Variants in CADPS observed in about 807,000 individuals in gnomAD.
The protein encoded by CADPS is calcium-dependent secretion activator 1.
A neutral mutation model predicts 167.3 loss-of-function variants in CADPS; 57 were observed. The ratio of observed to expected loss-of-function variants is 0.34; its 90% CI spans 0.28 to 0.42. The LOEUF (loss-of-function observed/expected upper bound fraction) is 0.42, where lower values mean the gene tolerates loss of function less well. CADPS is among the 20% of genes least tolerant of loss of function. CADPS has a pLI of 1.00. For synonymous variants in CADPS, 676 were observed against 635.3 expected (o/e 1.06, Z -0.96); for missense variants, 1,414 against 1,738.1 (o/e 0.81, Z 3.32).
At chr3:62,619,297 A>G (rs2149443328) in intron 6 of CADPS, among the ~76,000 whole-genome samples, 1 of 152,300 alleles carries the variant, frequency 6.6e-6, no homozygotes, top group Admixed American at 6.5e-5. Flanking sequence ...GGTGAGGGTA[A>G]ATAAAAGGTA....
At chr3:62,765,259 C>G (rs1444786809) in intron 2 of CADPS, among the ~76,000 whole-genome samples, 1 of 152,154 alleles carries the variant, frequency 6.6e-6, no homozygotes, top group Admixed American at 6.5e-5. Flanking sequence ...ATCCACTTTA[C>G]TGATAAGCTT....
At chr3:62,844,361 AC>A (rs2077074034) in intron 1 of CADPS, among the ~76,000 whole-genome samples, 1 of 152,184 alleles carries the variant, frequency 6.6e-6, no homozygotes, top group African/African-American at 2.4e-5. Context: ...GGAATAAACA[AC>A]CAAAGGAAAA....
Position 62,399,263 on chromosome 3 carries a change from C to T in CADPS, c.*143G>A. 1 of 693,534 alleles carries T rather than the reference C, an allele frequency of 1.4e-6. No homozygotes were observed. The highest frequency in any genetic ancestry group is 2.4e-6 in the Non-Finnish European group (1 of 412,520). The allele number at this position is 693,534 out of a possible 1,614,324, so 43.0% of individuals were successfully genotyped here. ...GAAGGTCATTTGCTAATCTTGGTAC[C>T]ACATAGCTAAAATGGCAGTTGTATT... On this transcript the variant is annotated 3_prime_UTR_variant, in exon 30 of 30. Coordinates refer to ENST00000383710, the MANE Select transcript of CADPS (RefSeq NM_003716.4). The surrounding 1 kb of genome is among the most constrained non-coding windows in gnomAD (Gnocchi z 5.6).
At chr3:62,727,656 A>C (rs2076991162) in intron 3 of CADPS, among the ~76,000 whole-genome samples, 1 of 151,872 alleles carries the variant, frequency 6.6e-6, no homozygotes, top group Non-Finnish European at 1.5e-5. Flanking sequence ...AAACAATAAT[A>C]CTAATACAAC....
intron 3 of CADPS, among the ~76,000 whole-genome samples, chr3:62,745,627 A>C (rs1002137190): frequency 6.6e-6 from 1 of 152,224 alleles, no homozygotes; most frequent in African/African-American, 2.4e-5. Flanking sequence ...CATCCACATT[A>C]TAAAACAGGA....
At chr3:62,579,153 T>C (rs1285983034) in intron 8 of CADPS, among the ~76,000 whole-genome samples, 2 of 152,206 alleles carry the variant, frequency 1.3e-5, no homozygotes, top group Non-Finnish European at 2.9e-5. Context: ...ATGAATTAAA[T>C]GTGGAGTCAT....
At chr3:62,425,582 A>G (rs1254419789) in intron 28 of CADPS, among the ~76,000 whole-genome samples, 1 of 152,214 alleles carries the variant, frequency 6.6e-6, no homozygotes, top group Non-Finnish European at 1.5e-5. Context: ...CCTGGTTAAG[A>G]AGCAAACATT....
At chr3:62,653,737 TG>T (rs1236700240) in intron 4 of CADPS, among the ~76,000 whole-genome samples, 4 of 152,000 alleles carry the variant, frequency 2.6e-5, no homozygotes, top group Non-Finnish European at 5.9e-5. Context: ...AATTCAGCTG[TG>T]AGGAGGAGGT....
rs2081172131 is a variant in CADPS at position 62,570,937 on chromosome 3, A to G, written c.1579T>C (p.Tyr527His). The G allele has an allele frequency of 6.3e-7, 1 of 1,595,234 alleles. No individual in the cohort carries two copies. Among genetic ancestry groups the G allele is most frequent in the Admixed American group, 1.7e-5 (1 of 59,958 alleles). Residue 527 changes from tyrosine to histidine, a missense_variant and splice_region_variant, in exon 9 of 30, where the codon TAT (tyrosine) becomes CAT (histidine). By Grantham distance (83) the Tyr-to-His change is moderately conservative. Transcript: ENST00000383710. ...ACATTCTTACCGATGGCCCATAAATACCTAAGGGAAAGGAGAAAGACCAGA... is the reference window on the plus strand; with the variant it reads ...ACATTCTTACCGATGGCCCATAAATGCCTAAGGGAAAGGAGAAAGACCAGA... Reference protein sequence around the residue: ...DKPQNMKHSGYLWAIGKNVWK... With the variant: ...DKPQNMKHSGHLWAIGKNVWK...
intron 1 of CADPS, among the ~76,000 whole-genome samples, chr3:62,843,455 C>G (rs1281953646): frequency 6.6e-6 from 1 of 150,462 alleles, no homozygotes; most frequent in Non-Finnish European, 1.5e-5. Context: ...TACAAAATAC[C>G]CCCAAATAAT....
chr3:62,691,635 TG>T (rs2079138298), intron 3 of CADPS, among the ~76,000 whole-genome samples: 1 of 152,002 alleles, frequency 6.6e-6, no homozygotes, highest in Non-Finnish European at 1.5e-5. Context: ...TGCAGGGACA[TG>T]GATGGAGTTG....
chr3:62,645,606 A>C, intron 6 of CADPS, 116 bp downstream of exon 6: 2 of 1,095,874 alleles, frequency 1.8e-6, no homozygotes, highest in Non-Finnish European at 2.6e-6. Context: ...AAAATAAACA[A>C]GGTTTATGTC....
chr3:62,860,811 CA>C (rs1405189664), intron 1 of CADPS, among the ~76,000 whole-genome samples: 2 of 152,184 alleles, frequency 1.3e-5, no homozygotes, highest in African/African-American at 4.8e-5. Context: ...GTGGTCCATA[CA>C]ATAACTTTTC....
rs2076776715 is a variant in CADPS at position 62,548,040 on chromosome 3, T to A, written c.1966+1863A>T. ...ATTATTTGGAAATAAGACCAGTATT[T>A]TCCAAATATCACCTGAGATACATGC... On this transcript the variant is annotated intron_variant, in intron 11 of 29. Transcript: ENST00000383710. Among the ~76,000 whole-genome samples the A allele has an allele frequency of 2.6e-5, 4 of 152,140 alleles. 1 individual carries two copies. In the South Asian group the frequency reaches 8.3e-4, roughly 31 times the overall value.
chr3:62,493,368 A>G (rs1447407123), intron 19 of CADPS, among the ~76,000 whole-genome samples: 1 of 152,198 alleles, frequency 6.6e-6, no homozygotes, highest in Non-Finnish European at 1.5e-5. Context: ...GCAGAAAAAC[A>G]AAAACAAATT....
At chr3:62,568,582 G>A (rs1326098093) in intron 9 of CADPS, among the ~76,000 whole-genome samples, 1 of 152,186 alleles carries the variant, frequency 6.6e-6, no homozygotes, top group East Asian at 1.9e-4. Flanking sequence ...ACTGAAGGCT[G>A]TACTGTTGGC....
At position 62,875,105 on chromosome 3, in the gene CADPS, G is replaced by A. The variant is rs983266047; in HGVS notation, c.-76C>T. ...AGGTGGGGGGCGCTGGAGGCAGCCG[G>A]GGATCAGCTCTCCCGGGTGGGCGCT... is the stretch of plus-strand genomic sequence containing the variant. On this transcript the variant is annotated 5_prime_UTR_variant, in exon 1 of 30. Coordinates refer to ENST00000383710, the MANE Select transcript of CADPS (RefSeq NM_003716.4). 3.5e-6 allele frequency: 5 copies of A among 1,427,844 alleles called. No individual in the cohort carries two copies. In the African/African-American group the frequency reaches 4.5e-5, roughly 13 times the overall value. 88.4% of individuals were successfully genotyped at this position (1,427,844 alleles called of 1,614,324 possible).
chr3:62,651,468 G>T (rs1040395004), intron 4 of CADPS, among the ~76,000 whole-genome samples: 2 of 152,000 alleles, frequency 1.3e-5, no homozygotes, highest in African/African-American at 4.8e-5. Context: ...TTAAGTGAGG[G>T]AAACAGAAAG....
At chr3:62,811,245 C>T (rs550233928) in intron 1 of CADPS, among the ~76,000 whole-genome samples, 1 of 152,020 alleles carries the variant, frequency 6.6e-6, no homozygotes, top group Non-Finnish European at 1.5e-5. Context: ...TTGCTCTCTC[C>T]TCTTTTTTCC....
Sources: allele counts gnomAD v4.1 joint callset (sites outside exome capture counted in the v4.1 genomes callset), GRCh38; gene constraint gnomAD v4.1.1; non-coding constraint Gnocchi (gnomAD v3.1); transcripts MANE v1.5; gene names NCBI Gene and HGNC (gene_info 2026-07-23, HGNC 2026-07-21).